The following IMMP2L variants were observed in gnomAD, a reference collection of about 807,000 sequenced individuals.
The protein encoded by IMMP2L is mitochondrial inner membrane protease subunit 2.
A neutral mutation model predicts 19.3 loss-of-function variants in IMMP2L; 18 were observed. That is an observed-to-expected ratio of 0.93 (90% confidence interval 0.64 to 1.38). IMMP2L has a LOEUF of 1.38. IMMP2L is among the 40% of genes most tolerant of loss of function. The pLI is 0.00. For missense variants in IMMP2L, 233 were observed against 218.2 expected (o/e 1.07, Z -0.43); for synonymous variants, 76 against 73.0 (o/e 1.04, Z -0.21).
intron 5 of IMMP2L, among the ~76,000 whole-genome samples, chr7:110,839,388 C>T (rs1804823472): frequency 6.6e-6 from 1 of 152,034 alleles, no homozygotes; most frequent in Non-Finnish European, 1.5e-5. Context: ...TCATTTTCAA[C>T]TTAGGTTAAT....
intron 3 of IMMP2L, among the ~76,000 whole-genome samples, chr7:111,412,939 A>G (rs987621713): frequency 2.6e-5 from 4 of 151,768 alleles, no homozygotes; most frequent in Non-Finnish European, 5.9e-5. Context: ...GAAGAAATAA[A>G]AAACAAACCC....
intron 3 of IMMP2L, among the ~76,000 whole-genome samples, chr7:111,018,784 CTTTTTATTA>C (rs1563165407): frequency 3.3e-5 from 4 of 120,976 alleles, no homozygotes; most frequent in South Asian, 5.2e-4. Flanking sequence ...AATTGTGTGT[CTTTTTATTA>C]TTATTATTAT....
At chr7:111,461,107 T>C (rs754138835) in intron 3 of IMMP2L, among the ~76,000 whole-genome samples, 1 of 152,138 alleles carries the variant, frequency 6.6e-6, no homozygotes, top group African/African-American at 2.4e-5. Context: ...TAGTGCTGGA[T>C]AGTTGCTTTC....
At chr7:111,395,736 CA>C (rs1298502354) in intron 3 of IMMP2L, among the ~76,000 whole-genome samples, 1 of 151,978 alleles carries the variant, frequency 6.6e-6, no homozygotes, top group Non-Finnish European at 1.5e-5. Flanking sequence ...GCCACATTCT[CA>C]AAAAAACTAT....
chr7:111,070,901 C>A (rs1302857785), intron 3 of IMMP2L, among the ~76,000 whole-genome samples: 3 of 152,102 alleles, frequency 2.0e-5, no homozygotes, highest in Non-Finnish European at 4.4e-5. Context: ...TCAAGTCTCT[C>A]ACTTAAATTT....
intron 5 of IMMP2L, among the ~76,000 whole-genome samples, chr7:110,703,886 C>T (rs929920807): frequency 7.9e-5 from 12 of 151,466 alleles, no homozygotes; most frequent in Admixed American, 1.3e-4. Flanking sequence ...TGCTCTATCG[C>T]CCAGGCTGGA....
intron 5 of IMMP2L, among the ~76,000 whole-genome samples, chr7:110,827,499 G>C (rs1401726900): frequency 6.6e-6 from 1 of 152,148 alleles, no homozygotes; most frequent in East Asian, 1.9e-4. Context: ...ATGCCAAAAT[G>C]AATAAGATAT....
In IMMP2L at chr7:111,518,408, ATAATGTGTC is replaced by A. The variant is rs532091364; in HGVS notation, c.135+2896_135+2904del. 5.9e-4 allele frequency among the ~76,000 whole-genome samples: 90 copies of A among 152,240 alleles called. 1 individual carries two copies. The highest frequency in any genetic ancestry group is 2.0e-3 in the African/African-American group (84 of 41,560). Reference sequence around the variant, plus strand: ...CTTTCGATCCTTGGATATTTCTTAAATAATGTGTCTACCAGTTGCTGAGTGACCTTCAAG... The same window carrying A: ...CTTTCGATCCTTGGATATTTCTTAAATACCAGTTGCTGAGTGACCTTCAAG... On this transcript the variant is annotated intron_variant, in intron 2 of 5. Coordinates refer to ENST00000405709, the MANE Select transcript of IMMP2L (RefSeq NM_032549.4).
In IMMP2L at chr7:111,504,376, C is replaced by T. The variant is rs956522100; in HGVS notation, c.135+16937G>A. Reference sequence around the variant, plus strand: ...GCTCATGGGTAGGAAGAATCAATATCGTGAAAATGGCCATACTGCCCAAGG... The same window carrying T: ...GCTCATGGGTAGGAAGAATCAATATTGTGAAAATGGCCATACTGCCCAAGG... On this transcript the variant is annotated intron_variant, in intron 2 of 5. Coordinates refer to ENST00000405709, the MANE Select transcript of IMMP2L (RefSeq NM_032549.4). 2.1e-3 allele frequency among the ~76,000 whole-genome samples: 321 copies of T among 152,024 alleles called. 3 individuals are homozygous for T. The highest frequency in any genetic ancestry group is 7.2e-3 in the African/African-American group (298 of 41,448).
At chr7:111,170,298 T>C (rs1369221026) in intron 3 of IMMP2L, among the ~76,000 whole-genome samples, 2 of 151,844 alleles carry the variant, frequency 1.3e-5, no homozygotes, top group Non-Finnish European at 2.9e-5. Flanking sequence ...CCAGGGAATC[T>C]AGATGTACAG....
At chr7:111,452,994 C>A (rs1389100712) in intron 3 of IMMP2L, among the ~76,000 whole-genome samples, 2 of 152,158 alleles carry the variant, frequency 1.3e-5, no homozygotes, top group African/African-American at 4.8e-5. Context: ...ATAGTAGGAG[C>A]TCTACTGAAT....
chr7:111,157,582 A>T (rs2129605055), intron 3 of IMMP2L, among the ~76,000 whole-genome samples: 1 of 152,208 alleles, frequency 6.6e-6, no homozygotes, highest in South Asian at 2.1e-4. Context: ...TAGGAAGCAT[A>T]TTGGAGAAGG....
chr7:111,415,296 CA>C (rs1485278203), intron 3 of IMMP2L, among the ~76,000 whole-genome samples: 3 of 151,614 alleles, frequency 2.0e-5, no homozygotes, highest in African/African-American at 7.3e-5. Context: ...TGGATTATGC[CA>C]ACAACCACAT....
intron 3 of IMMP2L, among the ~76,000 whole-genome samples, chr7:111,362,135 C>A (rs1369234754): frequency 6.6e-6 from 1 of 151,878 alleles, no homozygotes; most frequent in African/African-American, 2.4e-5. Flanking sequence ...CACCAGCAAC[C>A]ATTTTATCAA....
intron 5 of IMMP2L, among the ~76,000 whole-genome samples, chr7:110,736,285 A>C (rs1195375393): frequency 6.6e-6 from 1 of 152,234 alleles, no homozygotes; most frequent in African/African-American, 2.4e-5. Flanking sequence ...AACACCCAGC[A>C]GATCCATGGG....
intron 5 of IMMP2L, among the ~76,000 whole-genome samples, chr7:110,705,671 C>G (rs191527189): frequency 6.6e-6 from 1 of 151,928 alleles, no homozygotes; most frequent in African/African-American, 2.4e-5. Flanking sequence ...TATGAATGAC[C>G]TGTCACCCAG....
chr7:111,267,834 T>C (rs1212719880), intron 3 of IMMP2L, among the ~76,000 whole-genome samples: 3 of 152,146 alleles, frequency 2.0e-5, no homozygotes, highest in South Asian at 2.1e-4. Context: ...TGTGGAACAA[T>C]GATCATTCCT....
intron 3 of IMMP2L, among the ~76,000 whole-genome samples, chr7:111,444,739 G>C (rs1379764519): frequency 1.3e-5 from 2 of 151,976 alleles, no homozygotes; most frequent in Non-Finnish European, 2.9e-5. Context: ...TGATGATAAT[G>C]AATATACCTA....
chr7:110,783,934 G>A (rs965314577), intron 5 of IMMP2L, among the ~76,000 whole-genome samples: 4 of 151,716 alleles, frequency 2.6e-5, no homozygotes, highest in African/African-American at 9.7e-5. Flanking sequence ...AAAGACATTG[G>A]ACTAGCCTAT....
Sources: allele counts gnomAD v4.1 joint callset (sites outside exome capture counted in the v4.1 genomes callset), GRCh38; gene constraint gnomAD v4.1.1; transcripts MANE v1.5; gene names NCBI Gene and HGNC (gene_info 2026-07-23, HGNC 2026-07-21).